SLC30A8: variants seen among roughly 807,000 people sequenced by gnomAD.
SLC30A8 encodes the protein proton-coupled zinc antiporter SLC30A8.
Under a neutral mutation model 36.9 loss-of-function variants are expected in SLC30A8, and 27 were observed. The observed-to-expected ratio is 0.73, with a 90% CI of 0.54 to 1.01. SLC30A8 has a LOEUF of 1.01. SLC30A8 is among the 50% of genes least tolerant of loss of function. The probability of loss-of-function intolerance (pLI) is 0.00; values close to 1 mark genes in which losing one functional copy is unlikely to be tolerated. For missense variants in SLC30A8, 439 were observed against 452.0 expected, an observed-to-expected ratio of 0.97 and a Z score of 0.26; for synonymous variants, 164 against 172.4, an observed-to-expected ratio of 0.95 and a Z score of 0.38.
At chr8:117,002,934 G>A (rs1260204808) in intron 1 of SLC30A8, among the ~76,000 whole-genome samples, 4 of 151,986 alleles carry the variant, frequency 2.6e-5, no homozygotes, top group African/African-American at 7.3e-5. Context: ...GCATCCATTC[G>A]TTGTGAATTT....
intron 1 of SLC30A8, among the ~76,000 whole-genome samples, chr8:117,013,886 A>C (rs995696155): frequency 2.6e-5 from 4 of 152,196 alleles, no homozygotes; most frequent in African/African-American, 9.6e-5. Flanking sequence ...AATCATTATC[A>C]GTCATTTTTT....
chr8:117,049,698 T>A (rs1817651969), intron 2 of SLC30A8, among the ~76,000 whole-genome samples: 1 of 152,220 alleles, frequency 6.6e-6, no homozygotes, highest in Admixed American at 6.5e-5. Context: ...TTTGAATCAC[T>A]TCCTGAAATG....
chr8:117,097,689 A>G (rs1175486179), intron 2 of SLC30A8, among the ~76,000 whole-genome samples: 274 of 24,140 alleles, frequency 0.011, 113 homozygotes, highest in African/African-American at 0.026. Flanking sequence ...TATATATTAT[A>G]TATAATATAT....
At chr8:117,086,145 G>A (rs34212210) in intron 2 of SLC30A8, among the ~76,000 whole-genome samples, 1 of 152,078 alleles carries the variant, frequency 6.6e-6, no homozygotes, top group Non-Finnish European at 1.5e-5. Flanking sequence ...TGTTACAGTT[G>A]GTTATTGACT....
chr8:117,008,523 C>A (rs1220141706), intron 1 of SLC30A8, among the ~76,000 whole-genome samples: 2 of 152,182 alleles, frequency 1.3e-5, no homozygotes, highest in Non-Finnish European at 2.9e-5. Flanking sequence ...CAACCTCATT[C>A]TGTCTGAGGG....
intron 1 of SLC30A8, chr8:117,018,260 AC>A (rs2130717585): frequency 7.6e-6 from 1 of 132,142 alleles, no homozygotes; most frequent in South Asian, 2.4e-4. Context: ...ATAAATAAAT[AC>A]ATACATACAT....
chr8:116,966,255 G>C, intron 1 of SLC30A8, among the ~76,000 whole-genome samples: 1 of 152,158 alleles, frequency 6.6e-6, no homozygotes, highest in East Asian at 1.9e-4. Flanking sequence ...TGAGTGATTT[G>C]TGCCTTCAAC....
rs376889831 is a variant in SLC30A8 at position 117,012,724 on chromosome 8, T to TACACACACACACACACAC, written c.-265-26476_-265-26459dup. On this transcript the variant is annotated intron_variant, in intron 1 of 10. Transcript: ENST00000427715. ...TTGTGCATGTACATAGACATATGTA[T>TACACACACACACACACAC]ACACACACACACACACACACACACA... Among the ~76,000 whole-genome samples the TACACACACACACACACAC allele has an allele frequency of 6.6e-3, 833 of 126,360 alleles. 10 individuals are homozygous for TACACACACACACACACAC. The highest frequency in any genetic ancestry group is 0.022 in the African/African-American group (773 of 34,362). The allele number at this position is 126,360 out of a possible 152,430, so 82.9% of individuals were successfully genotyped here.
intron 2 of SLC30A8, among the ~76,000 whole-genome samples, chr8:117,080,653 A>G (rs1182975842): frequency 2.0e-5 from 3 of 152,234 alleles, no homozygotes. Context: ...ATGTTGCTGC[A>G]AAGAACATGA....
chr8:116,955,689 C>T (rs570687217), intron 1 of SLC30A8, among the ~76,000 whole-genome samples: 1 of 150,428 alleles, frequency 6.6e-6, no homozygotes, highest in African/African-American at 2.4e-5. Context: ...CGCCACTGCA[C>T]TCCAGCCTGG....
chr8:116,976,513 A>C (rs911379373), intron 1 of SLC30A8, among the ~76,000 whole-genome samples: 2 of 152,184 alleles, frequency 1.3e-5, no homozygotes, highest in Non-Finnish European at 2.9e-5. Flanking sequence ...TCCCTAAGGA[A>C]TCCATCAAAC....
upstream of SLC30A8, among the ~76,000 whole-genome samples, chr8:117,133,969 A>G (rs1479305546): frequency 6.6e-6 from 1 of 151,906 alleles, no homozygotes; most frequent in Non-Finnish European, 1.5e-5. Context: ...TATGTTATAG[A>G]TGAGAGTGTT....
At chr8:117,060,713 G>C (rs1306245897) in intron 2 of SLC30A8, among the ~76,000 whole-genome samples, 1 of 151,988 alleles carries the variant, frequency 6.6e-6, no homozygotes, top group African/African-American at 2.4e-5. Context: ...TTATGTCTTT[G>C]TTTTATCACA....
intron 2 of SLC30A8, chr8:117,147,738 C>T (rs192551767): frequency 3.9e-5 from 6 of 152,736 alleles, no homozygotes; most frequent in Admixed American, 6.5e-5. Flanking sequence ...CTAAACAATT[C>T]GTCTCTACCA....
chr8:117,021,340 C>CA (rs1816689752), intron 1 of SLC30A8, among the ~76,000 whole-genome samples: 1 of 152,152 alleles, frequency 6.6e-6, no homozygotes, highest in Non-Finnish European at 1.5e-5. Context: ...GAGGTCACCT[C>CA]AATTTCTTTT....
At chr8:117,007,516 A>G (rs1203269176) in intron 1 of SLC30A8, among the ~76,000 whole-genome samples, 1 of 152,246 alleles carries the variant, frequency 6.6e-6, no homozygotes, top group Non-Finnish European at 1.5e-5. Context: ...TCCTTCAGCC[A>G]AACAAATGTG....
chr8:117,036,237 A>T (rs904983167), intron 1 of SLC30A8, among the ~76,000 whole-genome samples: 6 of 152,180 alleles, frequency 3.9e-5, no homozygotes, highest in African/African-American at 1.4e-4. Context: ...CTCAGCCTGA[A>T]GTTAATTGCC....
chr8:117,124,708 A>C (rs1163421929), intron 2 of SLC30A8, among the ~76,000 whole-genome samples: 1 of 150,422 alleles, frequency 6.6e-6, no homozygotes, highest in Non-Finnish European at 1.5e-5. Context: ...AGAAAATCAA[A>C]TACTGTGTGT....
rs570198456 is a variant in SLC30A8, at chr8:116,985,800, C to T, written c.-266+34681C>T. Among the ~76,000 whole-genome samples, 9 of 152,184 alleles carry T rather than the reference C, an allele frequency of 5.9e-5. No individual in the cohort carries two copies. The South Asian group carries it at 1.9e-3, about 32-fold the overall frequency. On this transcript the variant is annotated intron_variant, in intron 1 of 10. Transcript: ENST00000427715. ...CTGCCTATCTGAGAAGCAAGAAATG[C>T]GTTCTGTTTTTTCTGCATTCTAAAT...
Sources: allele counts gnomAD v4.1 joint callset (sites outside exome capture counted in the v4.1 genomes callset), GRCh38; gene constraint gnomAD v4.1.1; transcripts MANE v1.5; gene names NCBI Gene and HGNC (gene_info 2026-07-23, HGNC 2026-07-21).